The following MAPK8IP2 variants were observed in gnomAD, a reference collection of about 807,000 sequenced individuals.
MAPK8IP2 encodes C-Jun-amino-terminal kinase-interacting protein 2.
MAPK8IP2 carries 15 observed loss-of-function variants against 75.6 expected under a neutral mutation model. The ratio of observed to expected loss-of-function variants is 0.20; its 90% CI spans 0.13 to 0.31. The LOEUF (loss-of-function observed/expected upper bound fraction) is 0.31. Ranked by LOEUF, MAPK8IP2 falls within the 10% of genes least tolerant of loss-of-function variation. The pLI, the probability that MAPK8IP2 is intolerant of heterozygous loss-of-function variation, is 1.00. For missense variants in MAPK8IP2, 1,089 were observed against 1,211.2 expected, an observed-to-expected ratio of 0.90 and a Z score of 1.50; for synonymous variants, 632 against 554.5, an observed-to-expected ratio of 1.14 and a Z score of -1.96.
chr22:50,604,303 C>G lies in MAPK8IP2; in HGVS notation c.1004C>G (p.Ser335Trp). 6.4e-7 allele frequency: 1 copy of G among 1,551,344 alleles called. No individual in the cohort carries two copies. The highest frequency in any genetic ancestry group is 8.7e-7 in the Non-Finnish European group (1 of 1,155,866). ...DDTNSEYESGSESEPDLSEDA... is the reference protein window; with the variant it reads ...DDTNSEYESGWESEPDLSEDA... ...ACCAACAGCGAGTACGAGTCGGGGT[C>G]GGAGTCGGAGCCGGACCTCAGCGAG... Residue 335 changes from serine (S) to tryptophan (W), a missense_variant, in exon 5 of 12, where the codon TCG becomes TGG. Ser to Trp is a radical substitution (Grantham distance 177, BLOSUM62 -3). Coordinates refer to ENST00000329492, the MANE Select transcript of MAPK8IP2 (RefSeq NM_012324.6).
chr22:50,603,557 G>T lies in MAPK8IP2; in HGVS notation c.447+59G>T, dbSNP rs771360359. 164 of 1,577,410 alleles carry T rather than the reference G, an allele frequency of 1.0e-4. 1 individual carries two copies. In the South Asian group the frequency reaches 1.2e-3, roughly 11 times the overall value. On this transcript the variant is annotated intron_variant, in intron 3 of 11. Transcript: ENST00000329492. ...AGCCTGGGTTCATAGCACCTGGGCT[G>T]CAGCCAGCCCTGCTCACCCCCTGGG...
At chr22:50,606,293 C>T (rs376475687) in intron 8 of MAPK8IP2, among the ~76,000 whole-genome samples, 13 of 134,966 alleles carry the variant, frequency 9.6e-5, no homozygotes, top group African/African-American at 3.2e-4. Flanking sequence ...ACTCAGTGGA[C>T]GTTTAGTGAG....
Position 50,613,119 on chromosome 22 carries a change from G to C in MAPK8IP2, c.*2340G>C, listed in dbSNP as rs1316738276. On this transcript the variant is annotated 3_prime_UTR_variant, in exon 12 of 12. Transcript: ENST00000329492. ...CTGGCTTCATCCCTCCCACAGTTTC[G>C]AGGGTTTCCCTGTGCTCAGGCCCCT... The C allele has an allele frequency of 6.6e-6, 1 of 152,618 alleles. No homozygotes were observed. Among genetic ancestry groups the C allele is most frequent in the Admixed American group, 6.5e-5 (1 of 15,268 alleles). 9.5% of individuals were successfully genotyped at this position (152,618 alleles called of 1,614,324 possible).
Position 50,603,466 on chromosome 22 carries a change from A to G in MAPK8IP2, c.415A>G (p.Thr139Ala). Residue 139 changes from threonine (T) to alanine (A), a missense_variant, in exon 3 of 12, where the codon ACC becomes GCC. Around this residue, in one of 2 missense-constraint regions of MAPK8IP2, gnomAD observed 960 missense variants for 1,009.6 expected, o/e 0.95. Transcript: ENST00000329492. ...GGAGGAGCCCCACAAGCACCGGCCC[A>G]CCACCCTCCGTCTGACCACACTGGG... ...SVEEPHKHRP[T>A]TLRLTTLGAQ... The G allele has an allele frequency of 6.4e-7, 1 of 1,566,332 alleles. No individual in the cohort carries two copies. Among genetic ancestry groups the G allele is most frequent in the Non-Finnish European group, 8.7e-7 (1 of 1,153,396 alleles).
Position 50,603,844 on chromosome 22 carries a change from T to C in MAPK8IP2, c.545T>C (p.Leu182Pro). The change falls in exon 5 of 12, where the codon CTC becomes CCC. Residue 182 changes from leucine (L) to proline (P), a missense_variant. Leu to Pro is a moderately conservative substitution (Grantham distance 98, BLOSUM62 -3). Coordinates refer to ENST00000329492, the MANE Select transcript of MAPK8IP2 (RefSeq NM_012324.6). ...ACCCCACCTCCCTGCCCAGCAGAGC[T>C]CCCGGGCCCCCTCCCTGCCACGGAC... ...CSPAPEALRE[L>P]PGPLPATDTG... 1 of 1,526,372 alleles carries C rather than the reference T, an allele frequency of 6.6e-7. No homozygotes were observed. The allele number at this position is 1,526,372 out of a possible 1,614,324, so 94.6% of individuals were successfully genotyped here. A position where few individuals can be genotyped will look rare whatever the true frequency, so the allele number is the denominator to read the frequency against.
intron 10 of MAPK8IP2, chr22:50,609,805 G>A (rs1034782368): frequency 1.2e-5 from 6 of 520,076 alleles, no homozygotes; most frequent in East Asian, 5.4e-5. Flanking sequence ...GCCCCACCTC[G>A]GAGCTGGGCA....
In MAPK8IP2 at chr22:50,610,893, T is replaced by TA; in HGVS notation, c.*115dup. ...ACTGGATTGGGGGGACATGGGACCT[T>TA]ACGCTTGTGGGGGTCTGCGGGCTGG... On this transcript the variant is annotated 3_prime_UTR_variant, in exon 12 of 12. Transcript: ENST00000329492. This position sits in a 1 kb window ranked among gnomAD's most constrained non-coding sequence, Gnocchi z 4.3. The TA allele has an allele frequency of 1.1e-6, 1 of 904,562 alleles. No homozygotes were observed. Among genetic ancestry groups the TA allele is most frequent in the Non-Finnish European group, 1.7e-6 (1 of 600,288 alleles). 56.0% of individuals were successfully genotyped at this position (904,562 alleles called of 1,614,324 possible).
In MAPK8IP2 at chr22:50,610,326, G is replaced by T; in HGVS notation, c.2402+16G>T. The T allele has an allele frequency of 6.3e-7, 1 of 1,585,170 alleles. No individual in the cohort carries two copies. Among genetic ancestry groups the T allele is most frequent in the Non-Finnish European group, 8.6e-7 (1 of 1,164,458 alleles). On this transcript the variant is annotated intron_variant, in intron 11 of 11. Transcript: ENST00000329492. The surrounding 1 kb of genome is among the most constrained non-coding windows in gnomAD (Gnocchi z 4.3). ...AGAGTGTGGGGTGAGTGGGGCCCCA[G>T]GGTGTGGGTGCAGAATGGGTGCAGG... is the stretch of plus-strand genomic sequence containing the variant.
At chr22:50,601,723 C>G (rs9616879) in intron 1 of MAPK8IP2, 66 bp from the exon 2 acceptor site, 45,337 of 1,290,476 alleles carry the variant, frequency 0.035, 973 homozygotes, top group Non-Finnish European at 0.039. Context: ...TCTGCCCCTC[C>G]TCAGGGCCAG....
rs1301687890 is a variant in MAPK8IP2, at chr22:50,603,470, C to A, written c.419C>A (p.Thr140Asn). 6.4e-7 allele frequency: 1 copy of A among 1,565,150 alleles called. No individual in the cohort carries two copies. The highest frequency in any genetic ancestry group is 8.7e-7 in the Non-Finnish European group (1 of 1,152,490). Residue 140 changes from threonine (T) to asparagine (N), a missense_variant, in exon 3 of 12, where the codon ACC (threonine) becomes AAC (asparagine). Physicochemically the swap from Thr to Asn is moderately conservative, Grantham distance 65. Coordinates refer to ENST00000329492, the MANE Select transcript of MAPK8IP2 (RefSeq NM_012324.6). The stretch of plus-strand genomic sequence containing the variant: ...GAGCCCCACAAGCACCGGCCCACCA[C>A]CCTCCGTCTGACCACACTGGGGGCC... Reference protein sequence around the residue: ...VEEPHKHRPTTLRLTTLGAQD... With the variant: ...VEEPHKHRPTNLRLTTLGAQD...
intron 10 of MAPK8IP2, chr22:50,609,839 C>T (rs753442430): frequency 5.8e-5 from 30 of 518,340 alleles, no homozygotes; most frequent in East Asian, 1.1e-4. Context: ...CTGCTAGGCC[C>T]GCAGGAGGAG....
In MAPK8IP2 at chr22:50,603,214, G is replaced by T. The variant is rs777747481; in HGVS notation, c.172-9G>T. On this transcript the variant is annotated splice_polypyrimidine_tract_variant and intron_variant, in intron 2 of 11. Transcript: ENST00000329492. ...TGGCCCAGCCCTGCTATCTCCCTCC[G>T]TCCTGCAGGACAGCCTCTCCCTGGG... The T allele has an allele frequency of 6.2e-7, 1 of 1,611,798 alleles. No individual in the cohort carries two copies. Among genetic ancestry groups the T allele is most frequent in the Non-Finnish European group, 8.5e-7 (1 of 1,179,690 alleles).
At chr22:50,601,968 G>A in intron 2 of MAPK8IP2, 74 bp downstream of exon 2, 1 of 1,265,880 alleles carries the variant, frequency 7.9e-7, no homozygotes, top group Non-Finnish European at 1.2e-6. Flanking sequence ...GTTCACTTGG[G>A]GTTTTAGGGT....
At chr22:50,608,441 C>T (rs1267034436) in intron 10 of MAPK8IP2, among the ~76,000 whole-genome samples, 4 of 107,108 alleles carry the variant, frequency 3.7e-5, no homozygotes, top group Non-Finnish European at 7.7e-5. Flanking sequence ...GGACAGCGAA[C>T]GGGGCGCAGA....
At chr22:50,605,496 C>A (rs979960535) in intron 6 of MAPK8IP2, 53 bp downstream of exon 6, 9 of 1,609,344 alleles carry the variant, frequency 5.6e-6, no homozygotes, top group Admixed American at 5.0e-5. Flanking sequence ...CCTGCCATCA[C>A]GGAACGCCAG....
chr22:50,610,862 G>T lies in MAPK8IP2; in HGVS notation c.*83G>T. The T allele has an allele frequency of 2.4e-6, 3 of 1,261,988 alleles. No homozygotes were observed. In the South Asian group the frequency reaches 3.9e-5, roughly 17 times the overall value. 78.2% of individuals were successfully genotyped at this position (1,261,988 alleles called of 1,614,324 possible). A position where few individuals can be genotyped will look rare whatever the true frequency, so the allele number is the denominator to read the frequency against. ...GTCTCAAGAGGCCACCATGGCTTTGGCAAGGACTGGATTGGGGGGACATGG... is the reference window on the plus strand; with the variant it reads ...GTCTCAAGAGGCCACCATGGCTTTGTCAAGGACTGGATTGGGGGGACATGG... On this transcript the variant is annotated 3_prime_UTR_variant, in exon 12 of 12. Coordinates refer to ENST00000329492, the MANE Select transcript of MAPK8IP2 (RefSeq NM_012324.6). The surrounding 1 kb of genome is among the most constrained non-coding windows in gnomAD (Gnocchi z 4.3).
In MAPK8IP2 at chr22:50,606,947, G is replaced by C. The variant is rs1374431649; in HGVS notation, c.2259G>C (p.Gln753His). The change falls in exon 10 of 12, where the codon CAG becomes CAC. Residue 753 changes from glutamine (Q) to histidine (H), a missense_variant. Transcript: ENST00000329492. Reference protein sequence around the residue: ...PEFQRCSHFFQMKNISFCGCH... With the variant: ...PEFQRCSHFFHMKNISFCGCH... Reference sequence around the variant, plus strand: ...TCCAGCGCTGCAGCCATTTCTTCCAGATGAAGAACATCTCCTTCTGCGGCT... The same window carrying C: ...TCCAGCGCTGCAGCCATTTCTTCCACATGAAGAACATCTCCTTCTGCGGCT... 1.2e-6 allele frequency: 2 copies of C among 1,613,772 alleles called. No homozygotes were observed. Among genetic ancestry groups the C allele is most frequent in the East Asian group, 4.5e-5 (2 of 44,892 alleles).
At position 50,613,545 on chromosome 22, in the gene MAPK8IP2, T is replaced by C. The variant is rs1456101134; in HGVS notation, c.*2766T>C. The C allele has an allele frequency of 6.6e-6, 1 of 152,194 alleles. No homozygotes were observed. Among genetic ancestry groups the C allele is most frequent in the Non-Finnish European group, 1.5e-5 (1 of 68,120 alleles). 9.4% of individuals were successfully genotyped at this position (152,194 alleles called of 1,614,324 possible). ...TGCCTCACTGCACCTGCAAATCCAC[T>C]TGCACCCACACCCAGGCCAGGGTTT... On this transcript the variant is annotated 3_prime_UTR_variant, in exon 12 of 12. Transcript: ENST00000329492.
intron 9 of MAPK8IP2, 67 bp downstream of exon 9, chr22:50,606,832 C>G: frequency 6.3e-7 from 1 of 1,592,344 alleles, no homozygotes; most frequent in Non-Finnish European, 8.6e-7. Flanking sequence ...TCCGACGGGG[C>G]CAGGCTGGCA....
Sources: gnomAD v4.1 joint callset for allele counts (sites outside exome capture counted in the v4.1 genomes callset) on GRCh38, gnomAD v4.1.1 for gene constraint, gnomAD v4.1.1 regional missense constraint, Gnocchi (gnomAD v3.1) non-coding constraint, MANE v1.5 for transcripts, NCBI Gene and HGNC (gene_info 2026-07-23, HGNC 2026-07-21) for gene names.